The following LRP11 variants were observed in gnomAD, a reference collection of about 807,000 sequenced individuals.
LRP11 encodes LDL receptor related protein 11.
Under a neutral mutation model 43.1 loss-of-function variants are expected in LRP11, and 25 were observed. The observed-to-expected ratio is 0.58, with a 90% CI of 0.42 to 0.81. The LOEUF is 0.81. Among genes scored for constraint, LRP11 ranks in the 30% least tolerant of loss-of-function variants. LRP11 has a pLI of 0.00. For synonymous variants in LRP11, 316 were observed against 299.4 expected (o/e 1.06, Z -0.57); for missense variants, 623 against 665.1 (o/e 0.94, Z 0.70).
chr6:149,826,200 G>A, intron 6 of LRP11, 64 bp downstream of exon 6: 1 of 1,238,354 alleles, frequency 8.1e-7, no homozygotes, highest in Non-Finnish European at 1.2e-6. Flanking sequence ...AATATCCTCA[G>A]CCAGAGGGCA....
intron 1 of LRP11, among the ~76,000 whole-genome samples, chr6:149,859,396 A>ATATATATATATATTTTTTTTTTT: frequency 2.8e-5 from 2 of 71,496 alleles, no homozygotes; most frequent in African/African-American, 8.2e-5. Context: ...ATATATATAT[A>ATATATATATATATTTTTTTTTTT]TTTTTTTTTT....
At chr6:149,849,096 G>C (rs1776682656) in intron 2 of LRP11, among the ~76,000 whole-genome samples, 1 of 152,192 alleles carries the variant, frequency 6.6e-6, no homozygotes, top group Non-Finnish European at 1.5e-5. Context: ...CCCAGTCATG[G>C]TGTTTTATTA....
At chr6:149,863,117 T>C (rs1776950858) in intron 1 of LRP11, among the ~76,000 whole-genome samples, 1 of 152,158 alleles carries the variant, frequency 6.6e-6, no homozygotes, top group Non-Finnish European at 1.5e-5. Context: ...AACAAACTTT[T>C]TTCTCTCAGC....
At chr6:149,862,052 G>T (rs1254264694) in intron 1 of LRP11, among the ~76,000 whole-genome samples, 2 of 152,190 alleles carry the variant, frequency 1.3e-5, no homozygotes, top group Non-Finnish European at 2.9e-5. Context: ...GTGGGCCTCA[G>T]AGATGCTGAT....
rs746797450 is a variant in LRP11, at chr6:149,853,044, C to A, written c.730G>T (p.Glu244Ter). 5 of 1,611,996 alleles carry A rather than the reference C, an allele frequency of 3.1e-6. No individual in the cohort carries two copies. Among genetic ancestry groups the A allele is most frequent in the Non-Finnish European group, 4.2e-6 (5 of 1,179,040 alleles). Residue 244 changes from glutamate (E) to a stop codon, truncating the protein, a stop_gained, in exon 2 of 7, where the codon GAG becomes TAG. Transcript: ENST00000239367. LOFTEE classifies it high-confidence loss of function. ...STDDHAIVQY[E>*]WALLQGDPSV... The stretch of plus-strand genomic sequence containing the variant: ...GGGTCCCCCTGCAGCAGTGCCCACT[C>A]ATACTGGACGATGGCGTGGTCATCT...
chr6:149,845,820 T>A (rs1365285078), intron 2 of LRP11, among the ~76,000 whole-genome samples: 1 of 151,764 alleles, frequency 6.6e-6, no homozygotes, highest in Non-Finnish European at 1.5e-5. Flanking sequence ...GAGAATCAGA[T>A]AAATAAGAGT....
chr6:149,826,281 T>C lies in LRP11; in HGVS notation c.1331A>G (p.His444Arg). The C allele has an allele frequency of 1.2e-6, 2 of 1,613,550 alleles. No homozygotes were observed. Among genetic ancestry groups the C allele is most frequent in the Non-Finnish European group, 1.7e-6 (2 of 1,179,472 alleles). Residue 444 changes from histidine (H) to arginine (R), a missense_variant, in exon 6 of 7, where the codon CAC (histidine) becomes CGC (arginine). Physicochemically the swap from His to Arg is conservative, Grantham distance 29. Coordinates refer to ENST00000239367, the MANE Select transcript of LRP11 (RefSeq NM_032832.6). ...ACATTTACCTGTTTCTGGGGCTGGG[T>C]GTTCCCCTCCTCCTCCATCACCCTT... Reference protein sequence around the residue: ...ESKGDGGGGEHPAPETGAVLP... With the variant: ...ESKGDGGGGERPAPETGAVLP...
intron 2 of LRP11, among the ~76,000 whole-genome samples, chr6:149,846,544 G>A (rs1035816257): frequency 1.3e-5 from 2 of 152,158 alleles, no homozygotes; most frequent in African/African-American, 2.4e-5. Context: ...GGATTGATTC[G>A]GAGCAGAGAT....
chr6:149,833,872 C>T (rs1776439183), intron 5 of LRP11, among the ~76,000 whole-genome samples: 1 of 152,002 alleles, frequency 6.6e-6, no homozygotes, highest in Non-Finnish European at 1.5e-5. Flanking sequence ...TCTTTTTTTT[C>T]CCTCCAACTT....
chr6:149,842,560 G>A (rs1056581974), intron 3 of LRP11: 43 of 1,308,338 alleles, frequency 3.3e-5, no homozygotes, highest in African/African-American at 2.9e-4. Flanking sequence ...TTCCCAGTCC[G>A]TCCCCCGCAC....
intron 3 of LRP11, among the ~76,000 whole-genome samples, chr6:149,838,917 G>A (rs4870050): frequency 0.43 from 64,857 of 151,886 alleles, 14,790 homozygotes; most frequent in East Asian, 0.81. Flanking sequence ...GGAGCTCCAC[G>A]GTTTTACAGG....
intron 2 of LRP11, among the ~76,000 whole-genome samples, chr6:149,851,970 A>G (rs1183740994): frequency 6.6e-6 from 1 of 152,144 alleles, no homozygotes; most frequent in Non-Finnish European, 1.5e-5. Context: ...ACAACCAAAT[A>G]CTTATAAAAC....
At chr6:149,846,953 TAATAGAATAGAATAG>T (rs71010876) in intron 2 of LRP11, among the ~76,000 whole-genome samples, 2,702 of 131,500 alleles carry the variant, frequency 0.021, 36 homozygotes, top group East Asian at 0.057. Flanking sequence ...TAAAATAAAA[TAATAGAATAGAATAG>T]AATAGAATAG....
At chr6:149,839,887 T>C (rs1210327889) in intron 3 of LRP11, among the ~76,000 whole-genome samples, 1 of 152,312 alleles carries the variant, frequency 6.6e-6, no homozygotes, top group Middle Eastern at 3.4e-3. Flanking sequence ...TTATAAAATA[T>C]ACTCAAATTT....
chr6:149,837,657 C>G (rs975039371), intron 3 of LRP11, among the ~76,000 whole-genome samples, 194 bp from the exon 4 acceptor site: 2 of 152,180 alleles, frequency 1.3e-5, no homozygotes, highest in African/African-American at 4.8e-5. Flanking sequence ...CGACTTAATT[C>G]TTCAGACTCC....
In LRP11 at chr6:149,842,978, C is replaced by T. The variant is rs759096572; in HGVS notation, c.913+5G>A. 3 of 1,614,146 alleles carry T rather than the reference C, an allele frequency of 1.9e-6. No homozygotes were observed. The highest frequency in any genetic ancestry group is 4.5e-5 in the East Asian group (2 of 44,888). On this transcript the variant is annotated splice_donor_5th_base_variant and intron_variant, in intron 3 of 6. Coordinates refer to ENST00000239367, the MANE Select transcript of LRP11 (RefSeq NM_032832.6). ...TGGGAAGCGAGGGAAGGACTTTCTTCTCACCTCCTGTGGAGTAGGCTGCGC... is the reference window on the plus strand; with the variant it reads ...TGGGAAGCGAGGGAAGGACTTTCTTTTCACCTCCTGTGGAGTAGGCTGCGC...
At chr6:149,859,377 C>CACATATAT (rs1554260487) in intron 1 of LRP11, among the ~76,000 whole-genome samples, 1 of 51,620 alleles carries the variant, frequency 1.9e-5, no homozygotes, top group African/African-American at 1.0e-4. Context: ...CTTGCTGACT[C>CACATATAT]ATATATATAT....
At chr6:149,862,415 C>G (rs1462081032) in intron 1 of LRP11, among the ~76,000 whole-genome samples, 1 of 152,192 alleles carries the variant, frequency 6.6e-6, no homozygotes, top group Non-Finnish European at 1.5e-5. Context: ...ATCAAGGTCT[C>G]TTATTCCCTC....
chr6:149,820,018 T>C lies in LRP11; in HGVS notation c.*531A>G, dbSNP rs879900692. On this transcript the variant is annotated 3_prime_UTR_variant, in exon 7 of 7. Transcript: ENST00000239367. ...GGCTTACTGACTTGTACATAAGGTT[T>C]ATAATTTAGGTATACCCACCCTAAG... is the stretch of plus-strand genomic sequence containing the variant. 6.5e-6 allele frequency: 1 copy of C among 153,338 alleles called. No homozygotes were observed. The highest frequency in any genetic ancestry group is 2.4e-5 in the African/African-American group (1 of 41,430). 9.5% of individuals were successfully genotyped at this position (153,338 alleles called of 1,614,324 possible). A position where few individuals can be genotyped will look rare whatever the true frequency, so the allele number is the denominator to read the frequency against.
Sources: allele counts gnomAD v4.1 joint callset (sites outside exome capture counted in the v4.1 genomes callset), GRCh38; gene constraint gnomAD v4.1.1; transcripts MANE v1.5; gene names NCBI Gene and HGNC (gene_info 2026-07-23, HGNC 2026-07-21).